RBM38: variants seen among roughly 807,000 people sequenced by gnomAD.
RBM38 encodes the protein RNA binding motif protein 38.
RBM38 carries 11 observed loss-of-function variants against 23.5 expected under a neutral mutation model. The observed-to-expected ratio is 0.47, with a 90% CI of 0.29 to 0.77. RBM38 has a LOEUF of 0.77. RBM38 is among the 30% of genes least tolerant of loss of function. RBM38 has a pLI of 0.08. For missense variants in RBM38, 330 were observed against 351.9 expected (o/e 0.94, Z 0.50); for synonymous variants, 165 against 166.1 (o/e 0.99, Z 0.05).
At chr20:57,393,014 T>C in intron 2 of RBM38, 1 of 672,420 alleles carries the variant, frequency 1.5e-6, no homozygotes, top group Non-Finnish European at 2.5e-6. Context: ...AGTTGCCAGC[T>C]GTCCTCGCAG....
chr20:57,405,615 G>T (rs1356754347), intron 3 of RBM38, among the ~76,000 whole-genome samples: 2 of 152,230 alleles, frequency 1.3e-5, no homozygotes, highest in Non-Finnish European at 2.9e-5. Context: ...TTCCCAGATG[G>T]GGTGGGGGGA....
chr20:57,392,659 C>G lies in RBM38; in HGVS notation c.243C>G (p.Thr81=), dbSNP rs1018668648. The part of the protein sequence containing the change: ...TGKSRGYGFV[T]MADRAAAERA... ...ATGTGTCTCTGCTCCACCAGGTGAC[C>G]ATGGCCGACCGGGCGGCAGCTGAGA... The change falls in exon 2 of 4, where the codon ACC becomes ACG. Residue 81 remains threonine (T), a synonymous_variant. Coordinates refer to ENST00000356208, the MANE Select transcript of RBM38 (RefSeq NM_017495.6). 1.1e-5 allele frequency: 17 copies of G among 1,611,618 alleles called. No homozygotes were observed. Among genetic ancestry groups the G allele is most frequent in the African/African-American group, 2.7e-5 (2 of 74,912 alleles).
rs952066585 is a variant in RBM38 at position 57,392,535 on chromosome 20, G to A, written c.238-119G>A. Reference sequence around the variant, plus strand: ...TTTGGCTCAAGGACCCTGGGTCACAGGCACCCTCAGAGGAAGGGAAGAGAG... The same window carrying A: ...TTTGGCTCAAGGACCCTGGGTCACAAGCACCCTCAGAGGAAGGGAAGAGAG... On this transcript the variant is annotated intron_variant, in intron 1 of 3. Coordinates refer to ENST00000356208, the MANE Select transcript of RBM38 (RefSeq NM_017495.6). 6.6e-6 allele frequency: 10 copies of A among 1,518,804 alleles called. No individual in the cohort carries two copies. In the African/African-American group the frequency reaches 9.7e-5, roughly 15 times the overall value. 94.1% of individuals were successfully genotyped at this position (1,518,804 alleles called of 1,614,324 possible). A position where few individuals can be genotyped will look rare whatever the true frequency, so the allele number is the denominator to read the frequency against.
chr20:57,405,162 A>G (rs2067368714), intron 3 of RBM38, among the ~76,000 whole-genome samples: 1 of 152,150 alleles, frequency 6.6e-6, no homozygotes, highest in Admixed American at 6.5e-5. Context: ...CTGTCCACAC[A>G]TCACAGCCCT....
chr20:57,403,582 G>A (rs898609494), intron 3 of RBM38, among the ~76,000 whole-genome samples: 1 of 152,168 alleles, frequency 6.6e-6, no homozygotes, highest in South Asian at 2.1e-4. Flanking sequence ...TCTGAACCTC[G>A]GATTTCCTCT....
rs1247658586 is a variant in RBM38 at position 57,409,150 on chromosome 20, C to G, written c.*1304C>G. 1 of 146,822 alleles carries G rather than the reference C, an allele frequency of 6.8e-6. No homozygotes were observed. The highest frequency in any genetic ancestry group is 1.5e-5 in the Non-Finnish European group (1 of 66,920). The allele number at this position is 146,822 out of a possible 1,614,324, so 9.1% of individuals were successfully genotyped here. Reference sequence around the variant, plus strand: ...GACATGAGGTGAGAGGTATCCTGGCCGAGGGCGGGGGGCAGCGGGGGGTCT... The same window carrying G: ...GACATGAGGTGAGAGGTATCCTGGCGGAGGGCGGGGGGCAGCGGGGGGTCT... On this transcript the variant is annotated 3_prime_UTR_variant, in exon 4 of 4. Coordinates refer to ENST00000356208, the MANE Select transcript of RBM38 (RefSeq NM_017495.6).
rs2067215178 is a variant in RBM38, at chr20:57,391,606, G to A, written c.25G>A (p.Ala9Thr). 8 of 1,395,850 alleles carry A rather than the reference G, an allele frequency of 5.7e-6. No individual in the cohort carries two copies. Among genetic ancestry groups the A allele is most frequent in the Middle Eastern group, 2.3e-4 (1 of 4,398 alleles). The allele number at this position is 1,395,850 out of a possible 1,614,324, so 86.5% of individuals were successfully genotyped here. The change falls in exon 1 of 4, where the codon GCC becomes ACC. Residue 9 changes from alanine (A) to threonine (T), a missense_variant. Physicochemically the swap from Ala to Thr is moderately conservative, Grantham distance 58 (BLOSUM62 0). Transcript: ENST00000356208. Reference sequence around the variant, plus strand: ...CATGCTGCTGCAGCCCGCGCCGTGCGCCCCGAGCGCGGGCTTCCCGCGGCC... The same window carrying A: ...CATGCTGCTGCAGCCCGCGCCGTGCACCCCGAGCGCGGGCTTCCCGCGGCC... MLLQPAPC[A>T]PSAGFPRPLA...
At position 57,391,663 on chromosome 20, in the gene RBM38, CAGA is replaced by C. The variant is rs1386022857; in HGVS notation, c.85_87del (p.Lys29del). On this transcript the variant is annotated inframe_deletion, in exon 1 of 4. Coordinates refer to ENST00000356208, the MANE Select transcript of RBM38 (RefSeq NM_017495.6). ...CGCCCCCGGCGCCATGCACGGCTCG[CAGA>C]AGGACACCACGTTCACCAAGATCTT... 2.2e-5 allele frequency: 33 copies of C among 1,504,206 alleles called. No homozygotes were observed. The highest frequency in any genetic ancestry group is 4.3e-5 in the African/African-American group (3 of 69,178). The allele number at this position is 1,504,206 out of a possible 1,614,324, so 93.2% of individuals were successfully genotyped here.
chr20:57,398,723 G>A (rs2146209582), intron 3 of RBM38, among the ~76,000 whole-genome samples: 1 of 152,336 alleles, frequency 6.6e-6, no homozygotes, highest in Admixed American at 6.5e-5. Context: ...TTCTCACCCT[G>A]GCTCGCTGCT....
At chr20:57,401,895 C>T (rs1181882381) in intron 3 of RBM38, among the ~76,000 whole-genome samples, 2 of 152,122 alleles carry the variant, frequency 1.3e-5, no homozygotes, top group Non-Finnish European at 2.9e-5. Context: ...CTTCTGGGTA[C>T]AGTGGGAGGC....
chr20:57,407,610 G>T lies in RBM38; in HGVS notation c.484G>T (p.Val162Phe). The stretch of plus-strand genomic sequence containing the variant: ...CAGCGTGGTGATCCCAGCCGCCCCT[G>T]TCCCGTCGCTGTCCTCGCCCTACAT... Reference protein sequence around the residue: ...QPSVVIPAAPVPSLSSPYIEY... With the variant: ...QPSVVIPAAPFPSLSSPYIEY... The change falls in exon 4 of 4, where the codon GTC becomes TTC. Residue 162 changes from valine (V) to phenylalanine (F), a missense_variant. By Grantham distance (50) the Val-to-Phe change is conservative. This residue lies in a region of RBM38 where 227 missense variants were observed against 216.4 expected (regional missense o/e 1.05). Transcript: ENST00000356208. This position sits in a 1 kb window ranked among gnomAD's most constrained non-coding sequence, Gnocchi z 4.0. The T allele has an allele frequency of 6.2e-7, 1 of 1,613,734 alleles. No homozygotes were observed. The highest frequency in any genetic ancestry group is 8.5e-7 in the Non-Finnish European group (1 of 1,179,864).
intron 3 of RBM38, among the ~76,000 whole-genome samples, chr20:57,399,152 C>CGG (rs1011020958): frequency 1.3e-5 from 2 of 152,150 alleles, no homozygotes; most frequent in Admixed American, 6.5e-5. Context: ...AGGGAGCAGC[C>CGG]GGGGAGGCTC....
In RBM38 at chr20:57,392,776, G is replaced by T. The variant is rs1340076105; in HGVS notation, c.360G>T (p.Thr120=). 3.7e-6 allele frequency: 6 copies of T among 1,612,210 alleles called. No homozygotes were observed. In the South Asian group the frequency reaches 4.4e-5, roughly 12 times the overall value. ...YLGAKPRSLQ[T]GFAIGVQQLH... ...GCGCCAAGCCGCGGAGCCTCCAGAC[G>T]GGTGAGAGCTTGTGTTTTCCTGCCT... Residue 120 remains threonine (T), a splice_region_variant and synonymous_variant, in exon 2 of 4, where the codon ACG becomes ACT. Transcript: ENST00000356208.
At chr20:57,405,010 A>G (rs2067366849) in intron 3 of RBM38, among the ~76,000 whole-genome samples, 1 of 152,176 alleles carries the variant, frequency 6.6e-6, no homozygotes, top group Non-Finnish European at 1.5e-5. Flanking sequence ...GGCTGCCCTC[A>G]TCCACTCTTC....
intron 2 of RBM38, 158 bp downstream of exon 2, chr20:57,392,935 G>T: frequency 2.0e-6 from 2 of 993,390 alleles, no homozygotes; most frequent in Non-Finnish European, 1.5e-6. Flanking sequence ...CCCCCTCGAG[G>T]ATCTAGACCC....
chr20:57,392,888 ATCAT>A, intron 2 of RBM38, 111 bp downstream of exon 2: 1 of 1,429,590 alleles, frequency 7.0e-7, no homozygotes, highest in Non-Finnish European at 9.5e-7. Flanking sequence ...GCAGTCGGCT[ATCAT>A]GTGCCTGCAG....
rs757392902 is a variant in RBM38, at chr20:57,391,743, C to T, written c.162C>T (p.Phe54=). 1 of 1,567,656 alleles carries T rather than the reference C, an allele frequency of 6.4e-7. No homozygotes were observed. The highest frequency in any genetic ancestry group is 1.8e-5 in the Admixed American group (1 of 55,704). The change falls in exon 1 of 4, where the codon TTC becomes TTT. Residue 54 remains phenylalanine, a synonymous_variant. Transcript: ENST00000356208. ...CCGACGCCTCGCTCAGGAAGTACTT[C>T]GAGGGCTTCGGCGACATCGAGGAGG... ...HTTDASLRKY[F]EGFGDIEEAV... is the part of the protein sequence containing the mutation.
Position 57,391,556 on chromosome 20 carries a change from G to T in RBM38, c.-26G>T. On this transcript the variant is annotated 5_prime_UTR_variant, in exon 1 of 4. Coordinates refer to ENST00000356208, the MANE Select transcript of RBM38 (RefSeq NM_017495.6). ...CATGAGCGCAGCCCCGCGCGGCCCG[G>T]GTCCGTAGGCGGCGGGGCGCCCCCC... 1.0e-6 allele frequency: 1 copy of T among 1,001,750 alleles called. No individual in the cohort carries two copies. 62.1% of individuals were successfully genotyped at this position (1,001,750 alleles called of 1,614,324 possible). A position where few individuals can be genotyped will look rare whatever the true frequency, so the allele number is the denominator to read the frequency against.
At chr20:57,392,052 T>G (rs1466341241) in intron 1 of RBM38, among the ~76,000 whole-genome samples, 46 of 44,238 alleles carry the variant, frequency 1.0e-3, no homozygotes, top group African/African-American at 2.9e-3. Flanking sequence ...ACCCCCGGTT[T>G]AAAAGGAAGA....
Sources: allele counts gnomAD v4.1 joint callset (sites outside exome capture counted in the v4.1 genomes callset), GRCh38; gene constraint gnomAD v4.1.1; regional missense constraint gnomAD v4.1.1; non-coding constraint Gnocchi (gnomAD v3.1); transcripts MANE v1.5; gene names NCBI Gene and HGNC (gene_info 2026-07-23, HGNC 2026-07-21).